Variants in AMPD2 observed in about 807,000 individuals in gnomAD.
The protein encoded by AMPD2 is adenosine monophosphate deaminase 2.
Under a neutral mutation model 91.3 loss-of-function variants are expected in AMPD2, and 52 were observed. The observed-to-expected ratio is 0.57, with a 90% confidence interval of 0.46 to 0.72. The LOEUF (loss-of-function observed/expected upper bound fraction) is 0.72, where lower values mean the gene tolerates loss of function less well. Ranked by LOEUF, AMPD2 falls within the 30% of genes least tolerant of loss-of-function variation. The probability of loss-of-function intolerance (pLI) is 0.00; values close to 1 mark genes in which losing one functional copy is unlikely to be tolerated. For synonymous variants in AMPD2, 455 were observed against 456.4 expected, an observed-to-expected ratio of 1.00 and a Z score of 0.04; for missense variants, 822 against 1,122.3, an observed-to-expected ratio of 0.73 and a Z score of 3.82.
intron 15 of AMPD2, 75 bp downstream of exon 15, chr1:109,629,565 A>G (rs1651022895): frequency 6.4e-7 from 1 of 1,568,184 alleles, no homozygotes; most frequent in Non-Finnish European, 8.7e-7. Context: ...ACCTTGGGCC[A>G]GGGCCACTAG....
At chr1:109,622,417 G>A (rs1338270462) in intron 2 of AMPD2, 15 of 394,094 alleles carry the variant, frequency 3.8e-5, no homozygotes, top group South Asian at 2.2e-4. Context: ...TGAGGCAGTC[G>A]TGGCAGTGTG....
At chr1:109,623,918 G>A in intron 2 of AMPD2, 2 of 801,966 alleles carry the variant, frequency 2.5e-6, no homozygotes, top group Non-Finnish European at 3.0e-6. Flanking sequence ...TGGTTTCTGG[G>A]CTCCCTTGAA....
chr1:109,624,104 G>T lies in AMPD2; in HGVS notation c.92-1199G>T, dbSNP rs1403869320. The T allele has an allele frequency of 2.0e-6, 2 of 985,114 alleles. No individual in the cohort carries two copies. The highest frequency in any genetic ancestry group is 2.3e-4 in the East Asian group (2 of 8,816). 61.0% of individuals were successfully genotyped at this position (985,114 alleles called of 1,614,324 possible). ...GCACTCTGCAGGTAGGGTTCAGGCA[G>T]GGGCCGGGGTGCGCAGGGGACGGGG... On this transcript the variant is annotated intron_variant, in intron 2 of 18. Transcript: ENST00000528667. The surrounding 1 kb of genome is among the most constrained non-coding windows in gnomAD (Gnocchi z 5.2).
chr1:109,631,760 C>T lies in AMPD2; in HGVS notation c.*608C>T, dbSNP rs1651289474. 1 of 158,430 alleles carries T rather than the reference C, an allele frequency of 6.3e-6. No individual in the cohort carries two copies. Among genetic ancestry groups the T allele is most frequent in the African/African-American group, 2.4e-5 (1 of 41,472 alleles). 9.8% of individuals were successfully genotyped at this position (158,430 alleles called of 1,614,324 possible). ...TCTCCGCCAAGTCACTGCCCAGCAG[C>T]CTTCTCCGTCCTGTCCCCAGCCCAC... On this transcript the variant is annotated 3_prime_UTR_variant, in exon 19 of 19. Transcript: ENST00000528667.
chr1:109,628,043 C>A lies in AMPD2; in HGVS notation c.1081-40C>A, dbSNP rs984566735. On this transcript the variant is annotated intron_variant, in intron 10 of 18. Transcript: ENST00000528667. This position sits in a 1 kb window ranked among gnomAD's most constrained non-coding sequence, Gnocchi z 7.1. The stretch of plus-strand genomic sequence containing the variant: ...GCACTGCCCCAGGCCCCAGACCTTC[C>A]TGGCCTCTGGTGGATCAGCAGTGCC... The A allele has an allele frequency of 2.7e-5, 44 of 1,603,556 alleles. No individual in the cohort carries two copies. The highest frequency in any genetic ancestry group is 3.7e-5 in the Non-Finnish European group (44 of 1,173,512).
At position 109,628,661 on chromosome 1, in the gene AMPD2, G is replaced by A. The variant is rs1650934255; in HGVS notation, c.1426G>A (p.Glu476Lys). The A allele has an allele frequency of 4.3e-6, 7 of 1,613,940 alleles. No individual in the cohort carries two copies. Among genetic ancestry groups the A allele is most frequent in the Non-Finnish European group, 5.9e-6 (7 of 1,179,978 alleles). The change falls in exon 13 of 19, where the codon GAG becomes AAG. Residue 476 changes from glutamate to lysine, a missense_variant. Glu to Lys is a moderately conservative substitution (Grantham distance 56, BLOSUM62 1). Transcript: ENST00000528667. This position sits in a 1 kb window ranked among gnomAD's most constrained non-coding sequence, Gnocchi z 7.1. ...HIIKEVMSDL[E>K]ESKYQNAELR... is the part of the protein sequence containing the mutation. The stretch of plus-strand genomic sequence containing the variant: ...TGTCTAGGAGGTGATGTCAGACCTG[G>A]AGGAGAGCAAATACCAGAATGCAGA...
At position 109,631,160 on chromosome 1, in the gene AMPD2, C is replaced by G. The variant is rs1322984435; in HGVS notation, c.*8C>G. The stretch of plus-strand genomic sequence containing the variant: ...AGCCCAGGGCCTCAATGAGCCTGGT[C>G]CATGAAGTGCCCACCACATCGCAGC... On this transcript the variant is annotated 3_prime_UTR_variant, in exon 19 of 19. Coordinates refer to ENST00000528667, the MANE Select transcript of AMPD2 (RefSeq NM_001368809.2). The G allele has an allele frequency of 6.4e-7, 1 of 1,568,194 alleles. No homozygotes were observed. Among genetic ancestry groups the G allele is most frequent in the Admixed American group, 1.9e-5 (1 of 52,012 alleles).
In AMPD2 at chr1:109,630,251, C is replaced by T. The variant is rs780963535; in HGVS notation, c.2002C>T (p.Leu668=). The part of the protein sequence containing the change: ...LLRKAPVLQY[L]YYLAQIGIAM... ...TGCCCAGGCCCCCGTCCTGCAGTAC[C>T]TGTACTACCTGGCCCAGATCGGCAT... Residue 668 remains leucine (L), a synonymous_variant, in exon 17 of 19, where the codon CTG becomes TTG. Transcript: ENST00000528667. The T allele has an allele frequency of 1.2e-6, 2 of 1,613,326 alleles. No homozygotes were observed. The highest frequency in any genetic ancestry group is 1.1e-5 in the South Asian group (1 of 91,086).
rs937902912 is a variant in AMPD2, at chr1:109,624,968, C to G, written c.92-335C>G. 6.6e-6 allele frequency among the ~76,000 whole-genome samples: 1 copy of G among 152,148 alleles called. No homozygotes were observed. The highest frequency in any genetic ancestry group is 1.5e-5 in the Non-Finnish European group (1 of 68,016). On this transcript the variant is annotated intron_variant, in intron 2 of 18. Transcript: ENST00000528667. This position sits in a 1 kb window ranked among gnomAD's most constrained non-coding sequence, Gnocchi z 5.2. ...GTGCATGTGTGTGCACACGTACACACGTGCACCTGCCTCTGGGAGGTAGTC... is the reference window on the plus strand; with the variant it reads ...GTGCATGTGTGTGCACACGTACACAGGTGCACCTGCCTCTGGGAGGTAGTC...
Position 109,625,207 on chromosome 1 carries a change from T to C in AMPD2, c.92-96T>C. 1 of 1,522,912 alleles carries C rather than the reference T, an allele frequency of 6.6e-7. No individual in the cohort carries two copies. Among genetic ancestry groups the C allele is most frequent in the Non-Finnish European group, 8.9e-7 (1 of 1,128,066 alleles). 94.3% of individuals were successfully genotyped at this position (1,522,912 alleles called of 1,614,324 possible). A position where few individuals can be genotyped will look rare whatever the true frequency, so the allele number is the denominator to read the frequency against. On this transcript the variant is annotated intron_variant, in intron 2 of 18. Coordinates refer to ENST00000528667, the MANE Select transcript of AMPD2 (RefSeq NM_001368809.2). The surrounding 1 kb of genome is among the most constrained non-coding windows in gnomAD (Gnocchi z 4.0). ...GAGGGACTGCCCTCTTTCCCGACCC[T>C]GGGCTCTCTCGGGAGCTGGCCTAGG... is the stretch of plus-strand genomic sequence containing the variant.
chr1:109,630,174 T>G, intron 16 of AMPD2, 59 bp from the exon 17 acceptor site: 1 of 1,585,644 alleles, frequency 6.3e-7, no homozygotes, highest in South Asian at 1.1e-5. Flanking sequence ...CCAGAACCAC[T>G]GTGCCCTGCC....
chr1:109,620,337 A>G, intron 1 of AMPD2, 59 bp downstream of exon 1: 2 of 1,604,610 alleles, frequency 1.2e-6, no homozygotes, highest in South Asian at 1.1e-5. Flanking sequence ...TGCTGTGGCC[A>G]GAGTGACAAG....
Position 109,627,433 on chromosome 1 carries a change from T to G in AMPD2, c.865T>G (p.Ser289Ala). Residue 289 changes from serine to alanine, a missense_variant, in exon 9 of 19, where the codon TCA (serine) becomes GCA (alanine). Ser to Ala is a moderately conservative substitution (Grantham distance 99). Coordinates refer to ENST00000528667, the MANE Select transcript of AMPD2 (RefSeq NM_001368809.2). ...CCAAGCTCCCCTCCATGCCAGTTGC[T>G]CAGAGGTGGAGCTGCCATACCCTGA... ...YTRREPDEHCSEVELPYPDLQ... is the reference protein window; with the variant it reads ...YTRREPDEHCAEVELPYPDLQ... 6.2e-7 allele frequency: 1 copy of G among 1,614,028 alleles called. No homozygotes were observed. Among genetic ancestry groups the G allele is most frequent in the Non-Finnish European group, 8.5e-7 (1 of 1,179,966 alleles).
Position 109,626,714 on chromosome 1 carries a change from C to T in AMPD2, c.532-12C>T, listed in dbSNP as rs772225396. ...AAGACTGAGGAGAGTGATCGCATAT[C>T]CTCATCTCCAGGTGCCGTTCACAGA... On this transcript the variant is annotated splice_polypyrimidine_tract_variant and intron_variant, in intron 6 of 18. Transcript: ENST00000528667. The T allele has an allele frequency of 1.2e-5, 19 of 1,609,448 alleles. No homozygotes were observed. The highest frequency in any genetic ancestry group is 2.2e-5 in the East Asian group (1 of 44,838).
chr1:109,620,739 T>G lies in AMPD2; in HGVS notation c.-262-175T>G. 13 of 1,228,562 alleles carry G rather than the reference T, an allele frequency of 1.1e-5. No homozygotes were observed. The East Asian group carries it at 1.1e-4, about 10-fold the overall frequency. 76.1% of individuals were successfully genotyped at this position (1,228,562 alleles called of 1,614,324 possible). A position where few individuals can be genotyped will look rare whatever the true frequency, so the allele number is the denominator to read the frequency against. ...GACTCGCTCGCTGCTGAATTCCTGT[T>G]TGTTATTCTTTTTTCTTCCAGGCTA... On this transcript the variant is annotated intron_variant, in intron 1 of 18. Transcript: ENST00000528667.
chr1:109,630,578 G>A, intron 17 of AMPD2, 105 bp from the exon 18 acceptor site: 1 of 987,412 alleles, frequency 1.0e-6, no homozygotes, highest in Non-Finnish European at 1.5e-6. Context: ...GGGGGGTTGG[G>A]GGGATGGGGG....
rs774017444 is a variant in AMPD2, at chr1:109,629,860, C to T, written c.1927C>T (p.Leu643=). The change falls in exon 16 of 19, where the codon CTG becomes TTG. Residue 643 remains leucine (L), a synonymous_variant. Coordinates refer to ENST00000528667, the MANE Select transcript of AMPD2 (RefSeq NM_001368809.2). ...HCGEAGPIHH[L]VSAFMLAENI... ...TGGGGAGGCTGGGCCCATCCACCAC[C>T]TGGTGTCAGCCTTCATGCTGGCTGA... The T allele has an allele frequency of 3.7e-6, 6 of 1,612,770 alleles. No individual in the cohort carries two copies. Among genetic ancestry groups the T allele is most frequent in the Non-Finnish European group, 5.1e-6 (6 of 1,179,166 alleles).
Position 109,629,723 on chromosome 1 carries a change from G to A in AMPD2, c.1863-73G>A. ...TGGCTGGAGGACATATGCGTGCTGG[G>A]TGGGGGTCAGGGGCTCCGGTGAGCC... On this transcript the variant is annotated intron_variant, in intron 15 of 18. Coordinates refer to ENST00000528667, the MANE Select transcript of AMPD2 (RefSeq NM_001368809.2). 3.8e-6 allele frequency: 5 copies of A among 1,309,538 alleles called. 1 individual carries two copies. The South Asian group carries it at 7.1e-5, about 19-fold the overall frequency. 81.1% of individuals were successfully genotyped at this position (1,309,538 alleles called of 1,614,324 possible).
intron 16 of AMPD2, 143 bp from the exon 17 acceptor site, chr1:109,630,090 T>C: frequency 1.5e-6 from 2 of 1,329,610 alleles, no homozygotes; most frequent in Admixed American, 1.9e-5. Context: ...ACTTGGATTT[T>C]GACTAATTCA....
Sources: allele counts gnomAD v4.1 joint callset (sites outside exome capture counted in the v4.1 genomes callset), GRCh38; gene constraint gnomAD v4.1.1; non-coding constraint Gnocchi (gnomAD v3.1); transcripts MANE v1.5; gene names NCBI Gene and HGNC (gene_info 2026-07-23, HGNC 2026-07-21).